The following IFT172 variants were observed in gnomAD, a reference collection of about 807,000 sequenced individuals.
IFT172 encodes the protein intraflagellar transport 172, also known as intraflagellar transport protein 172 homolog.
A neutral mutation model predicts 248.9 loss-of-function variants in IFT172; 164 were observed. The ratio of observed to expected loss-of-function variants is 0.66; its 90% CI spans 0.58 to 0.75. The LOEUF (loss-of-function observed/expected upper bound fraction) is 0.75. Ranked by LOEUF, IFT172 falls within the 30% of genes least tolerant of loss-of-function variation. The pLI is 0.00. For synonymous variants in IFT172, 729 were observed against 791.6 expected (o/e 0.92, Z 1.33); for missense variants, 1,950 against 2,192.4 (o/e 0.89, Z 2.21).
rs573545385 is a variant in IFT172 at position 27,448,571 on chromosome 2, C to T, written c.4428+344G>A. On this transcript the variant is annotated intron_variant, in intron 40 of 47. Transcript: ENST00000260570. ...AGAGTCACAACATTGTGACTCAGAT[C>T]AGGGAGCAGTGTTCATTCTCTGGAG... Among the ~76,000 whole-genome samples, 4 of 152,294 alleles carry T rather than the reference C, an allele frequency of 2.6e-5. No homozygotes were observed. In the South Asian group the frequency reaches 8.3e-4, roughly 32 times the overall value.
At chr2:27,465,005 T>C (rs976934076) in intron 18 of IFT172, among the ~76,000 whole-genome samples, 4 of 151,388 alleles carry the variant, frequency 2.6e-5, no homozygotes, top group Admixed American at 6.6e-5. Flanking sequence ...CACTGCAACC[T>C]CTGCCTCCTG....
rs1666656398 is a variant in IFT172, at chr2:27,461,412, G to A, written c.2299C>T (p.Leu767=). 2 of 1,614,178 alleles carry A rather than the reference G, an allele frequency of 1.2e-6. No homozygotes were observed. The highest frequency in any genetic ancestry group is 1.7e-5 in the Admixed American group (1 of 60,028). The part of the protein sequence containing the change: ...GELQESQGDG[L]AAISLYLKAG... ...TTGAGGTAGAGGCTGATGGCTGCTA[G>A]CCCATCCCCTTGGCTCTCCTGTAGT... is the stretch of plus-strand genomic sequence containing the variant. Residue 767 remains leucine (L), a synonymous_variant, in exon 22 of 48, where the codon CTA becomes TTA. Coordinates refer to ENST00000260570, the MANE Select transcript of IFT172 (RefSeq NM_015662.3).
In IFT172 at chr2:27,446,288, G is replaced by C. The variant is rs1665090805; in HGVS notation, c.4727C>G (p.Ala1576Gly). ...GGCAGCAATGCCTGCTTCATAGAAGGCTTTGTCTACAGGTAGTAGCTGGGT... is the reference window on the plus strand; with the variant it reads ...GGCAGCAATGCCTGCTTCATAGAAGCCTTTGTCTACAGGTAGTAGCTGGGT... ...RHTQLLPVDK[A>G]FYEAGIAAKA... The change falls in exon 43 of 48, where the codon GCC (alanine) becomes GGC (glycine). Residue 1576 changes from alanine to glycine, a missense_variant. Coordinates refer to ENST00000260570, the MANE Select transcript of IFT172 (RefSeq NM_015662.3). 1 of 1,614,208 alleles carries C rather than the reference G, an allele frequency of 6.2e-7. No individual in the cohort carries two copies. Among genetic ancestry groups the C allele is most frequent in the Non-Finnish European group, 8.5e-7 (1 of 1,180,038 alleles).
At chr2:27,452,136 C>A (rs1665734456) in intron 35 of IFT172, among the ~76,000 whole-genome samples, 1 of 152,092 alleles carries the variant, frequency 6.6e-6, no homozygotes, top group Admixed American at 6.5e-5. Context: ...CTGAGTAAAG[C>A]AAATTGCCCT....
Position 27,445,494 on chromosome 2 carries a change from C to G in IFT172, c.4915-45G>C. ...AGTGGTAGCTTCACACAGGGCAGGG[C>G]AGGACAAGTTGGGGTGGATGGGTGA... On this transcript the variant is annotated intron_variant, in intron 45 of 47. Transcript: ENST00000260570. This position sits in a 1 kb window ranked among gnomAD's most constrained non-coding sequence, Gnocchi z 4.4. The G allele has an allele frequency of 6.3e-7, 1 of 1,581,612 alleles. No homozygotes were observed. The highest frequency in any genetic ancestry group is 2.3e-5 in the East Asian group (1 of 44,402).
chr2:27,454,490 G>T lies in IFT172; in HGVS notation c.3466-72C>A. 3 of 1,610,396 alleles carry T rather than the reference G, an allele frequency of 1.9e-6. No individual in the cohort carries two copies. Among genetic ancestry groups the T allele is most frequent in the South Asian group, 2.2e-5 (2 of 91,010 alleles). On this transcript the variant is annotated intron_variant, in intron 31 of 47. Coordinates refer to ENST00000260570, the MANE Select transcript of IFT172 (RefSeq NM_015662.3). This position sits in a 1 kb window ranked among gnomAD's most constrained non-coding sequence, Gnocchi z 4.2. ...ATCACAGGCAGGCATGAGACTGGGGGTCTGCACACCCAGCAGCAGTGCACT... is the reference window on the plus strand; with the variant it reads ...ATCACAGGCAGGCATGAGACTGGGGTTCTGCACACCCAGCAGCAGTGCACT...
chr2:27,462,414 G>T (rs1017450262), intron 20 of IFT172, among the ~76,000 whole-genome samples: 2 of 152,148 alleles, frequency 1.3e-5, no homozygotes, highest in African/African-American at 4.8e-5. Context: ...CTATGCACAA[G>T]AATTGCAAAG....
chr2:27,470,849 A>C (rs1376977187), intron 16 of IFT172, 79 bp downstream of exon 16: 1 of 1,395,106 alleles, frequency 7.2e-7, no homozygotes, highest in African/African-American at 1.5e-5. Context: ...ACAGAAAACC[A>C]AGTAGCCTTC....
At chr2:27,474,832 A>C (rs1384537319) in intron 14 of IFT172, among the ~76,000 whole-genome samples, 1 of 150,602 alleles carries the variant, frequency 6.6e-6, no homozygotes, top group Non-Finnish European at 1.5e-5. Flanking sequence ...GATTACAGGC[A>C]TAAGTCACTG....
At chr2:27,449,216 G>T in intron 39 of IFT172, 78 bp downstream of exon 39, 3 of 1,553,436 alleles carry the variant, frequency 1.9e-6, no homozygotes, top group Non-Finnish European at 2.7e-6. Flanking sequence ...TGTGGAGGTA[G>T]AAGAGATGCA....
intron 42 of IFT172, chr2:27,446,587 C>T (rs1411866912): frequency 7.5e-6 from 3 of 401,992 alleles, no homozygotes; most frequent in African/African-American, 2.1e-5. Context: ...CATCTCAGCT[C>T]ACTGCAACCT....
rs767901253 is a variant in IFT172, at chr2:27,459,400, T to C, written c.2765A>G (p.Tyr922Cys). The change falls in exon 25 of 48, where the codon TAT becomes TGT. Residue 922 changes from tyrosine (Y) to cysteine (C), a missense_variant. Coordinates refer to ENST00000260570, the MANE Select transcript of IFT172 (RefSeq NM_015662.3). ...SKYYPLVAQH[Y>C]ASLQEYEIAE... ...CACCTCATACTCCTGCAGGGATGCA[T>C]AGTGTTGGGCCACGAGAGGATAGTA... is the stretch of plus-strand genomic sequence containing the variant. 107 of 1,614,150 alleles carry C rather than the reference T, an allele frequency of 6.6e-5. 2 individuals are homozygous for C. The South Asian group carries it at 1.2e-3, about 18-fold the overall frequency.
Position 27,445,665 on chromosome 2 carries a change from A to G in IFT172, c.4914+80T>C, listed in dbSNP as rs758144842. On this transcript the variant is annotated intron_variant, in intron 45 of 47. Transcript: ENST00000260570. This position sits in a 1 kb window ranked among gnomAD's most constrained non-coding sequence, Gnocchi z 4.4. ...AGTGAGGGCTGAGGTCCTTCCAAAG[A>G]TGGCAGCACAAAGATATTCTCCCTC... The G allele has an allele frequency of 7.9e-6, 12 of 1,527,024 alleles. No individual in the cohort carries two copies. Among genetic ancestry groups the G allele is most frequent in the Non-Finnish European group, 1.1e-5 (12 of 1,107,850 alleles). 94.6% of individuals were successfully genotyped at this position (1,527,024 alleles called of 1,614,324 possible). A position where few individuals can be genotyped will look rare whatever the true frequency, so the allele number is the denominator to read the frequency against.
At position 27,454,980 on chromosome 2, in the gene IFT172, G is replaced by T. The variant is rs1203374120; in HGVS notation, c.3372-320C>A. Among the ~76,000 whole-genome samples the T allele has an allele frequency of 6.6e-6, 1 of 152,142 alleles. No individual in the cohort carries two copies. The highest frequency in any genetic ancestry group is 2.4e-5 in the African/African-American group (1 of 41,432). On this transcript the variant is annotated intron_variant, in intron 30 of 47. Transcript: ENST00000260570. This position sits in a 1 kb window ranked among gnomAD's most constrained non-coding sequence, Gnocchi z 4.2. ...GAGCCTCGCAGCCCTACACTGACAG[G>T]GCTAGGAGGGCTCCTGGTGCTCTCC... is the stretch of plus-strand genomic sequence containing the variant.
chr2:27,480,161 T>C lies in IFT172; in HGVS notation c.786-12A>G, dbSNP rs373665754. 7.8e-4 allele frequency: 1,252 copies of C among 1,611,534 alleles called. 1 individual carries two copies. The highest frequency in any genetic ancestry group is 9.7e-4 in the Non-Finnish European group (1,147 of 1,179,152). On this transcript the variant is annotated splice_polypyrimidine_tract_variant and intron_variant, in intron 8 of 47. Transcript: ENST00000260570. ...TGAACACCCGAAGCCTGAAATAAAGTATGTGGCTTTTAGAAGAGATTGAGG... is the reference window on the plus strand; with the variant it reads ...TGAACACCCGAAGCCTGAAATAAAGCATGTGGCTTTTAGAAGAGATTGAGG...
intron 1 of IFT172, among the ~76,000 whole-genome samples, chr2:27,487,236 C>T (rs958003647): frequency 6.6e-6 from 1 of 152,308 alleles, no homozygotes; most frequent in Non-Finnish European, 1.5e-5. Context: ...TGAGCCACCA[C>T]GCCCGGCCTG....
chr2:27,453,334 G>C, intron 35 of IFT172, 50 bp downstream of exon 35: 1 of 1,610,954 alleles, frequency 6.2e-7, no homozygotes, highest in Non-Finnish European at 8.5e-7. Context: ...AGCCAAGTGT[G>C]AATAGAGGCC....
intron 26 of IFT172, 23 bp from the exon 27 acceptor site, chr2:27,458,246 C>A: frequency 6.3e-7 from 1 of 1,599,748 alleles, no homozygotes; most frequent in Middle Eastern, 1.7e-4. Flanking sequence ...AGAGGCAAGG[C>A]AGCCTCAGAT....
Position 27,445,536 on chromosome 2 carries a change from G to T in IFT172, c.4915-87C>A. ...GATGGGTGAGGAGGGGGTTTGCTAAGCCCTCATCCTGTATACCAGCTTTTA... is the reference window on the plus strand; with the variant it reads ...GATGGGTGAGGAGGGGGTTTGCTAATCCCTCATCCTGTATACCAGCTTTTA... On this transcript the variant is annotated intron_variant, in intron 45 of 47. Coordinates refer to ENST00000260570, the MANE Select transcript of IFT172 (RefSeq NM_015662.3). This position sits in a 1 kb window ranked among gnomAD's most constrained non-coding sequence, Gnocchi z 4.4. 1 of 1,446,698 alleles carries T rather than the reference G, an allele frequency of 6.9e-7. No individual in the cohort carries two copies. Among genetic ancestry groups the T allele is most frequent in the Non-Finnish European group, 9.4e-7 (1 of 1,065,916 alleles). The allele number at this position is 1,446,698 out of a possible 1,614,324, so 89.6% of individuals were successfully genotyped here.
Sources: gnomAD v4.1 joint callset for allele counts (sites outside exome capture counted in the v4.1 genomes callset) on GRCh38, gnomAD v4.1.1 for gene constraint, Gnocchi (gnomAD v3.1) non-coding constraint, MANE v1.5 for transcripts, NCBI Gene and HGNC (gene_info 2026-07-23, HGNC 2026-07-21) for gene names.